The following SHISA9 variants were observed in gnomAD, a reference collection of about 807,000 sequenced individuals.
The protein encoded by SHISA9 is protein shisa-9.
A neutral mutation model predicts 38.0 loss-of-function variants in SHISA9; 13 were observed. The ratio of observed to expected loss-of-function variants is 0.34; its 90% confidence interval spans 0.22 to 0.54. The LOEUF (loss-of-function observed/expected upper bound fraction) is 0.54, where lower values mean the gene tolerates loss of function less well. Ranked by LOEUF, SHISA9 falls within the 20% of genes least tolerant of loss-of-function variation. The probability of loss-of-function intolerance (pLI) is 0.91; values close to 1 mark genes in which losing one functional copy is unlikely to be tolerated. For synonymous variants in SHISA9, 275 were observed against 242.0 expected (o/e 1.14, Z -1.27); for missense variants, 538 against 575.8 (o/e 0.93, Z 0.67).
At chr16:12,911,586 A>G (rs1032938703) in intron 1 of SHISA9, 1 of 161,590 alleles carries the variant, frequency 6.2e-6, no homozygotes, top group Non-Finnish European at 1.3e-5. Flanking sequence ...TTACTATCTC[A>G]ATGCATAATG....
chr16:13,512,731 C>G, the SHISA9 span, among the ~76,000 whole-genome samples: 1 of 152,118 alleles, frequency 6.6e-6, no homozygotes, highest in Non-Finnish European at 1.5e-5. Context: ...TGATCTTCGA[C>G]AAACCTGACA....
At chr16:13,339,678 T>C in the SHISA9 span, among the ~76,000 whole-genome samples, 1 of 152,160 alleles carries the variant, frequency 6.6e-6, no homozygotes, top group Non-Finnish European at 1.5e-5. Flanking sequence ...AGAGAGAGTA[T>C]AACAGCATGG....
intron 2 of SHISA9, among the ~76,000 whole-genome samples, chr16:12,956,417 A>C (rs2071835843): frequency 6.6e-6 from 1 of 152,234 alleles, no homozygotes. Flanking sequence ...TATAAAAAAT[A>C]CATCTGCATT....
intron 2 of SHISA9, among the ~76,000 whole-genome samples, chr16:13,034,810 A>T (rs1164505852): frequency 6.6e-6 from 1 of 152,174 alleles, no homozygotes; most frequent in Non-Finnish European, 1.5e-5. Context: ...GACTACTCTG[A>T]TGAAGGAGGA....
chr16:13,353,617 G>A, the SHISA9 span, among the ~76,000 whole-genome samples: 1 of 152,028 alleles, frequency 6.6e-6, no homozygotes, highest in African/African-American at 2.4e-5. Context: ...TCTGGTGTCT[G>A]GAATGAGACT....
At chr16:13,501,724 C>T in the SHISA9 span, among the ~76,000 whole-genome samples, 4 of 152,034 alleles carry the variant, frequency 2.6e-5, no homozygotes, top group South Asian at 2.1e-4. Flanking sequence ...TGAAAGAGGG[C>T]GGGCACGGTG....
chr16:12,907,947 G>A (rs1017679490), intron 1 of SHISA9, among the ~76,000 whole-genome samples: 1 of 152,204 alleles, frequency 6.6e-6, no homozygotes, highest in Non-Finnish European at 1.5e-5. Flanking sequence ...TAGAGAGTCA[G>A]TCAAGTTGCT....
chr16:13,343,933 A>G, the SHISA9 span, among the ~76,000 whole-genome samples: 8 of 152,186 alleles, frequency 5.3e-5, no homozygotes, highest in Non-Finnish European at 1.0e-4. Flanking sequence ...ACAAGGAGAG[A>G]AAGGATAATT....
the SHISA9 span, among the ~76,000 whole-genome samples, chr16:13,434,151 G>A: frequency 4.6e-5 from 7 of 152,112 alleles, no homozygotes; most frequent in Admixed American, 3.9e-4. Flanking sequence ...GGAAGCATCC[G>A]GCACGGGAGA....
chr16:13,424,091 C>T, the SHISA9 span, among the ~76,000 whole-genome samples: 5 of 152,208 alleles, frequency 3.3e-5, no homozygotes, highest in African/African-American at 4.8e-5. Flanking sequence ...TTCACTGGCC[C>T]CACACAGTCC....
At chr16:13,472,736 T>C in the SHISA9 span, among the ~76,000 whole-genome samples, 1 of 152,306 alleles carries the variant, frequency 6.6e-6, no homozygotes, top group East Asian at 1.9e-4. Flanking sequence ...AATTTCATTT[T>C]TGATAGTTTC....
chr16:13,107,463 A>C (rs1020624838), intron 2 of SHISA9, among the ~76,000 whole-genome samples: 4 of 127,098 alleles, frequency 3.1e-5, no homozygotes, highest in African/African-American at 9.1e-5. Context: ...AACAAACAAA[A>C]AAACAACAGA....
At chr16:13,199,599 T>C (rs1001241774) in intron 2 of SHISA9, among the ~76,000 whole-genome samples, 1 of 152,224 alleles carries the variant, frequency 6.6e-6, no homozygotes, top group Non-Finnish European at 1.5e-5. Flanking sequence ...GTGATTCTTA[T>C]TCTTTAATAA....
intron 4 of SHISA9, among the ~76,000 whole-genome samples, chr16:13,216,693 G>A (rs1482541831): frequency 2.0e-5 from 3 of 152,116 alleles, no homozygotes; most frequent in African/African-American, 7.2e-5. Flanking sequence ...GGGAGCAGTG[G>A]GGGAGATGGG....
Position 13,148,689 on chromosome 16 carries a change from G to GCGCGCA in SHISA9, c.692-54704_692-54703insGCGCAC, listed in dbSNP as rs6145754. Among the ~76,000 whole-genome samples, 35 of 132,540 alleles carry GCGCGCA rather than the reference G, an allele frequency of 2.6e-4. 1 individual carries two copies. Among genetic ancestry groups the GCGCGCA allele is most frequent in the African/African-American group, 1.1e-3 (33 of 31,270 alleles). 87.0% of individuals were successfully genotyped at this position (132,540 alleles called of 152,430 possible). A position where few individuals can be genotyped will look rare whatever the true frequency, so the allele number is the denominator to read the frequency against. On this transcript the variant is annotated intron_variant, in intron 2 of 4. Transcript: ENST00000558583. ...TCCTCATTCTCTCACACATACACAA[G>GCGCGCA]CACACACACACACACACACACACAC...
At chr16:13,360,367 A>C in the SHISA9 span, among the ~76,000 whole-genome samples, 2 of 152,124 alleles carry the variant, frequency 1.3e-5, no homozygotes, top group African/African-American at 4.8e-5. Context: ...TCTCATCTTG[A>C]ATTGTAGTTC....
At chr16:13,193,485 G>A (rs2050906968) in intron 2 of SHISA9, among the ~76,000 whole-genome samples, 1 of 152,034 alleles carries the variant, frequency 6.6e-6, no homozygotes, top group Non-Finnish European at 1.5e-5. Flanking sequence ...CCGAGTAGCT[G>A]GTATTACAGC....
At chr16:12,903,517 A>T (rs12599493) in intron 1 of SHISA9, among the ~76,000 whole-genome samples, 4,335 of 45,498 alleles carry the variant, frequency 0.095, 261 homozygotes, top group East Asian at 0.47. Flanking sequence ...TGCTTTTTTT[A>T]AATTTTTTTT....
chr16:13,415,094 A>G, the SHISA9 span, among the ~76,000 whole-genome samples: 3 of 152,216 alleles, frequency 2.0e-5, no homozygotes, highest in Non-Finnish European at 2.9e-5. Flanking sequence ...TGCCACAGGT[A>G]TGGGCTACAA....
Sources: allele counts gnomAD v4.1 joint callset (sites outside exome capture counted in the v4.1 genomes callset), GRCh38; gene constraint gnomAD v4.1.1; transcripts MANE v1.5; gene names NCBI Gene and HGNC (gene_info 2026-07-23, HGNC 2026-07-21).